The following NEK10 variants were observed in gnomAD, a reference collection of about 807,000 sequenced individuals.
The protein encoded by NEK10 is NIMA related kinase 10.
NEK10 carries 122 observed loss-of-function variants against 159.8 expected under a neutral mutation model. The ratio of observed to expected loss-of-function variants is 0.76; its 90% CI spans 0.66 to 0.89. NEK10 has a LOEUF of 0.89. Ranked by LOEUF, NEK10 falls within the 40% of genes least tolerant of loss-of-function variation. The pLI is 0.00. For synonymous variants in NEK10, 466 were observed against 457.1 expected (o/e 1.02, Z -0.25); for missense variants, 1,342 against 1,323.1 (o/e 1.01, Z -0.22).
intron 22 of NEK10, among the ~76,000 whole-genome samples, chr3:27,263,531 C>A (rs1410706539): frequency 6.6e-6 from 1 of 152,212 alleles, no homozygotes; most frequent in East Asian, 1.9e-4. Flanking sequence ...CACCCCTCCC[C>A]CAGCCTCGCT....
intron 5 of NEK10, among the ~76,000 whole-genome samples, chr3:27,336,228 C>A (rs950823192): frequency 2.6e-5 from 4 of 151,970 alleles, no homozygotes; most frequent in Admixed American, 2.0e-4. Context: ...CAATTATATG[C>A]TAACAAACTG....
At chr3:27,295,484 T>C in intron 15 of NEK10, 129 bp downstream of exon 15, 1 of 1,078,368 alleles carries the variant, frequency 9.3e-7, no homozygotes, top group South Asian at 3.0e-5. Flanking sequence ...CCTTGCCAGA[T>C]ATTTTTCCCT....
At chr3:27,215,282 T>C (rs552498555) in intron 23 of NEK10, among the ~76,000 whole-genome samples, 1 of 152,334 alleles carries the variant, frequency 6.6e-6, no homozygotes, top group East Asian at 1.9e-4. Flanking sequence ...CATTTAGGAA[T>C]GAACTACTAT....
chr3:27,281,898 G>T (rs1297620409), intron 22 of NEK10, among the ~76,000 whole-genome samples: 1 of 151,746 alleles, frequency 6.6e-6, no homozygotes, highest in Non-Finnish European at 1.5e-5. Flanking sequence ...GTACTGAGAG[G>T]GTTTTATAAT....
Position 27,365,607 on chromosome 3 carries a change from T to TTG in NEK10, c.-38+3617_-38+3618insCA, listed in dbSNP as rs200345713. Among the ~76,000 whole-genome samples the TTG allele has an allele frequency of 6.7e-5, 5 of 74,528 alleles. No individual in the cohort carries two copies. The Admixed American group carries it at 7.7e-4, about 12-fold the overall frequency. 48.9% of individuals were successfully genotyped at this position (74,528 alleles called of 152,430 possible). On this transcript the variant is annotated intron_variant, in intron 1 of 35. Coordinates refer to ENST00000691995, the MANE Select transcript of NEK10 (RefSeq NM_001394966.1). ...GTTTTGGTTTTTTGTGTTTTTTTTTTGTGTTTTTTTTTTTTTTTTTTTTGA... is the reference window on the plus strand; with the variant it reads ...GTTTTGGTTTTTTGTGTTTTTTTTTTTGGTGTTTTTTTTTTTTTTTTTTTTGA...
At chr3:27,189,690 G>A (rs563686344) in intron 26 of NEK10, among the ~76,000 whole-genome samples, 1 of 152,074 alleles carries the variant, frequency 6.6e-6, no homozygotes, top group East Asian at 1.9e-4. Flanking sequence ...ACTGCATACT[G>A]TCTTTTGATG....
chr3:27,268,519 C>A (rs2041083495), intron 22 of NEK10, among the ~76,000 whole-genome samples: 1 of 152,178 alleles, frequency 6.6e-6, no homozygotes, highest in Non-Finnish European at 1.5e-5. Flanking sequence ...ATATACTCTG[C>A]TTGTTGTCTA....
chr3:27,126,903 CA>C (rs1942026575), intron 32 of NEK10, among the ~76,000 whole-genome samples: 1 of 152,084 alleles, frequency 6.6e-6, no homozygotes, highest in Admixed American at 6.6e-5. Flanking sequence ...TGCTCTTGAA[CA>C]GAAAATAACC....
intron 23 of NEK10, among the ~76,000 whole-genome samples, chr3:27,237,137 T>C (rs1329147679): frequency 1.3e-5 from 2 of 152,164 alleles, no homozygotes; most frequent in African/African-American, 4.8e-5. Context: ...AGAAGAAAAA[T>C]ATGGCTCTAT....
intron 22 of NEK10, chr3:27,278,649 T>C: frequency 2.1e-6 from 2 of 954,682 alleles, no homozygotes; most frequent in Non-Finnish European, 2.5e-6. Context: ...ATGCCTGAAA[T>C]CTATTAACTA....
At chr3:27,191,638 T>C (rs984535559) in intron 26 of NEK10, among the ~76,000 whole-genome samples, 5 of 152,116 alleles carry the variant, frequency 3.3e-5, no homozygotes, top group African/African-American at 4.8e-5. Context: ...ATACGAAAAA[T>C]TTTAAAGGCA....
At chr3:27,318,483 T>TATA (rs1224952857) in intron 6 of NEK10, among the ~76,000 whole-genome samples, 2 of 152,208 alleles carry the variant, frequency 1.3e-5, no homozygotes, top group Non-Finnish European at 2.9e-5. Context: ...AATGTATCTG[T>TATA]TTATATTTAT....
chr3:27,180,586 G>A (rs545562675), intron 26 of NEK10, among the ~76,000 whole-genome samples: 1 of 152,294 alleles, frequency 6.6e-6, no homozygotes, highest in South Asian at 2.1e-4. Context: ...AATTAGAAAT[G>A]AGTGGTTATC....
chr3:27,331,011 G>A (rs554826012), intron 5 of NEK10, among the ~76,000 whole-genome samples: 27 of 152,012 alleles, frequency 1.8e-4, no homozygotes, highest in Admixed American at 5.9e-4. Context: ...CGAAGTGGGC[G>A]GATCACCTGA....
At chr3:27,294,435 A>G (rs1229755837) in intron 15 of NEK10, among the ~76,000 whole-genome samples, 1 of 152,228 alleles carries the variant, frequency 6.6e-6, no homozygotes, top group Admixed American at 6.5e-5. Flanking sequence ...GCCAGGTGAG[A>G]GCAGTGGAGA....
chr3:27,295,670 T>A lies in NEK10; in HGVS notation c.1251A>T (p.Ile417=), dbSNP rs758420460. ...QVVQENGVYT[I]AKLILPNKQK... ...GCTTATTTGGTAAAATTAATTTTGCTATTGTATATACACCATTTTCCTGAA... is the reference window on the plus strand; with the variant it reads ...GCTTATTTGGTAAAATTAATTTTGCAATTGTATATACACCATTTTCCTGAA... The change falls in exon 15 of 36, where the codon ATA becomes ATT. Residue 417 remains isoleucine, a synonymous_variant. Coordinates refer to ENST00000691995, the MANE Select transcript of NEK10 (RefSeq NM_001394966.1). 13 of 1,566,842 alleles carry A rather than the reference T, an allele frequency of 8.3e-6. No homozygotes were observed. Among genetic ancestry groups the A allele is most frequent in the Middle Eastern group, 3.4e-4 (2 of 5,962 alleles).
At chr3:27,144,173 T>C (rs1350228903) in intron 30 of NEK10, among the ~76,000 whole-genome samples, 2 of 152,152 alleles carry the variant, frequency 1.3e-5, no homozygotes, top group African/African-American at 4.8e-5. Flanking sequence ...ACATATCACA[T>C]CACATAAACT....
chr3:27,196,727 C>G (rs1949593096), intron 25 of NEK10, among the ~76,000 whole-genome samples: 1 of 152,200 alleles, frequency 6.6e-6, no homozygotes, highest in African/African-American at 2.4e-5. Flanking sequence ...ATTTGCGCTA[C>G]CTTTCCCTCG....
At chr3:27,278,349 T>C (rs2041915666) in intron 22 of NEK10, among the ~76,000 whole-genome samples, 1 of 152,210 alleles carries the variant, frequency 6.6e-6, no homozygotes, top group South Asian at 2.1e-4. Flanking sequence ...TTGTAGGATG[T>C]GTCAGCTAGG....
Sources: allele counts gnomAD v4.1 joint callset (sites outside exome capture counted in the v4.1 genomes callset), GRCh38; gene constraint gnomAD v4.1.1; transcripts MANE v1.5; gene names NCBI Gene and HGNC (gene_info 2026-07-23, HGNC 2026-07-21).